The following MYO16 variants were observed in gnomAD, a reference collection of about 807,000 sequenced individuals.
The protein encoded by MYO16 is myosin XVI, also known as unconventional myosin-XVI.
MYO16 carries 94 observed loss-of-function variants against 205.3 expected under a neutral mutation model. That is an observed-to-expected ratio of 0.46 (90% CI 0.39 to 0.54). The LOEUF (loss-of-function observed/expected upper bound fraction) is 0.54, where lower values mean the gene tolerates loss of function less well. Among genes scored for constraint, MYO16 ranks in the 20% least tolerant of loss-of-function variants. MYO16 has a pLI of 0.00. For synonymous variants in MYO16, 988 were observed against 954.0 expected, an observed-to-expected ratio of 1.04 and a Z score of -0.66; for missense variants, 2,315 against 2,387.5, an observed-to-expected ratio of 0.97 and a Z score of 0.63.
chr13:109,079,886 T>TTC, intron 27 of MYO16, among the ~76,000 whole-genome samples: 1 of 150,628 alleles, frequency 6.6e-6, no homozygotes, highest in Non-Finnish European at 1.5e-5. Flanking sequence ...TTTCTTTTTT[T>TTC]TTTTTTTGAG....
At chr13:108,510,461 G>GTT in the MYO16 span, among the ~76,000 whole-genome samples, 3,055 of 45,780 alleles carry the variant, frequency 0.067, 232 homozygotes, top group Middle Eastern at 0.11. Flanking sequence ...ATTGATAGCT[G>GTT]TTTTTTTTTT....
chr13:109,157,530 C>G (rs544192741), intron 32 of MYO16, among the ~76,000 whole-genome samples: 2 of 152,342 alleles, frequency 1.3e-5, no homozygotes, highest in Admixed American at 6.5e-5. Flanking sequence ...CCTGGCTGCT[C>G]CAGCCCACTC....
intron 6 of MYO16, among the ~76,000 whole-genome samples, chr13:108,800,163 C>T (rs148776597): frequency 1.3e-5 from 2 of 152,136 alleles, no homozygotes; most frequent in Admixed American, 6.6e-5. Flanking sequence ...ATGAGGCACC[C>T]CCTAAAATAG....
At chr13:108,825,645 C>A (rs1876220901) in intron 9 of MYO16, among the ~76,000 whole-genome samples, 1 of 151,576 alleles carries the variant, frequency 6.6e-6, no homozygotes, top group South Asian at 2.1e-4. Context: ...GTAAAACTAT[C>A]TCTATGTTCA....
At chr13:109,171,847 A>G (rs956746088) in intron 33 of MYO16, among the ~76,000 whole-genome samples, 2 of 152,240 alleles carry the variant, frequency 1.3e-5, no homozygotes, top group Admixed American at 6.5e-5. Context: ...TAAAGAATAC[A>G]GACATTGCGT....
intron 1 of MYO16, among the ~76,000 whole-genome samples, chr13:108,622,407 C>T (rs900273096): frequency 6.6e-6 from 1 of 152,048 alleles, no homozygotes; most frequent in African/African-American, 2.4e-5. Context: ...GTGACAGATA[C>T]AGGATTCATA....
In MYO16 at chr13:108,712,701, C is replaced by G; in HGVS notation, c.333C>G (p.Leu111=). ...LLKEGADPHT[L]VSSGGSLLHL... is the part of the protein sequence containing the mutation. ...AGGAGGGGGCAGACCCCCACACCCT[C>G]GTCTCCTCGGGAGGGTCCCTGCTCC... Residue 111 remains leucine, a synonymous_variant, in exon 3 of 35, where the codon CTC becomes CTG. Transcript: ENST00000457511. 6.2e-7 allele frequency: 1 copy of G among 1,614,050 alleles called. No homozygotes were observed. Among genetic ancestry groups the G allele is most frequent in the Non-Finnish European group, 8.5e-7 (1 of 1,179,962 alleles).
rs78079185 is a variant in MYO16 at position 108,652,453 on chromosome 13, T to C, written c.29-13433T>C. On this transcript the variant is annotated intron_variant, in intron 1 of 34. Coordinates refer to ENST00000457511, the MANE Select transcript of MYO16 (RefSeq NM_001198950.3). ...TAAAATGTACCATTGCAACCATTTT[T>C]AAGTGTACAGTTCAGGAATGTTAAG... 9.9e-3 allele frequency among the ~76,000 whole-genome samples: 1,504 copies of C among 152,316 alleles called. 11 individuals are homozygous for C. Among genetic ancestry groups the C allele is most frequent in the Middle Eastern group, 0.071 (21 of 294 alleles).
At chr13:108,644,834 T>C (rs1200257710) in intron 1 of MYO16, among the ~76,000 whole-genome samples, 2 of 152,228 alleles carry the variant, frequency 1.3e-5, no homozygotes, top group Non-Finnish European at 2.9e-5. Flanking sequence ...TTTAAAAATA[T>C]AGTCTGGAGT....
chr13:108,627,570 A>C (rs979475331), upstream of MYO16, among the ~76,000 whole-genome samples: 1 of 152,196 alleles, frequency 6.6e-6, no homozygotes, highest in Admixed American at 6.5e-5. Flanking sequence ...TATGGAATAC[A>C]TGAGTCGATG....
intron 1 of MYO16, among the ~76,000 whole-genome samples, chr13:108,610,308 G>A (rs1175853391): frequency 6.6e-6 from 1 of 152,132 alleles, no homozygotes; most frequent in Non-Finnish European, 1.5e-5. Flanking sequence ...CCATGAAATT[G>A]ATTAAGTTTA....
At position 108,773,163 on chromosome 13, in the gene MYO16, G is replaced by A. The variant is rs577072729; in HGVS notation, c.508-12472G>A. On this transcript the variant is annotated intron_variant, in intron 4 of 34. Transcript: ENST00000457511. ...CCAATCCTGAGAGCTTCACCCTCAT[G>A]ACTTGACCATCTTCCAAAGGCCCCA... is the stretch of plus-strand genomic sequence containing the variant. Among the ~76,000 whole-genome samples the A allele has an allele frequency of 5.3e-5, 8 of 152,246 alleles. No homozygotes were observed. In the East Asian group the frequency reaches 1.4e-3, roughly 26 times the overall value.
intron 21 of MYO16, among the ~76,000 whole-genome samples, chr13:108,997,130 A>C (rs1356736541): frequency 6.6e-6 from 1 of 151,786 alleles, no homozygotes. Context: ...GTCTCCACTA[A>C]AAATACAAAA....
intron 4 of MYO16, among the ~76,000 whole-genome samples, chr13:108,778,952 G>A (rs571063462): frequency 6.6e-6 from 1 of 152,258 alleles, no homozygotes; most frequent in Admixed American, 6.5e-5. Context: ...GACTTCCACT[G>A]CACTCGTGGG....
intron 27 of MYO16, among the ~76,000 whole-genome samples, chr13:109,065,936 T>C (rs1289057268): frequency 1.3e-5 from 2 of 152,218 alleles, no homozygotes; most frequent in East Asian, 3.8e-4. Context: ...GACTTGTCAA[T>C]GAAAGCACCA....
chr13:109,191,184 A>C (rs1594173829), intron 34 of MYO16, among the ~76,000 whole-genome samples: 1 of 151,872 alleles, frequency 6.6e-6, no homozygotes, highest in Non-Finnish European at 1.5e-5. Flanking sequence ...GCGCCACTGC[A>C]CTCCAGCCTG....
chr13:109,020,688 T>G (rs978671334), intron 23 of MYO16, among the ~76,000 whole-genome samples: 1 of 152,190 alleles, frequency 6.6e-6, no homozygotes. Flanking sequence ...CCAGCTGTAG[T>G]TAATGTCTTC....
intron 7 of MYO16, among the ~76,000 whole-genome samples, chr13:108,807,650 T>A (rs1385852676): frequency 6.6e-6 from 1 of 152,206 alleles, no homozygotes; most frequent in Non-Finnish European, 1.5e-5. Context: ...TCAATATATT[T>A]GCTCATAATA....
chr13:109,109,792 A>G (rs902503381), intron 28 of MYO16, among the ~76,000 whole-genome samples: 1 of 152,202 alleles, frequency 6.6e-6, no homozygotes, highest in Admixed American at 6.5e-5. Context: ...AAAACAGAAG[A>G]CAGTTCACAA....
Sources: allele counts gnomAD v4.1 joint callset (sites outside exome capture counted in the v4.1 genomes callset), GRCh38; gene constraint gnomAD v4.1.1; transcripts MANE v1.5; gene names NCBI Gene and HGNC (gene_info 2026-07-23, HGNC 2026-07-21).